Variants in BAHCC1 observed in about 807,000 individuals in gnomAD.
The protein encoded by BAHCC1 is BAH domain and coiled-coil containing 1.
BAHCC1 carries 43 observed loss-of-function variants against 88.2 expected under a neutral mutation model. That is an observed-to-expected ratio of 0.49 (90% CI 0.38 to 0.63). BAHCC1 has a LOEUF of 0.63. Among genes scored for constraint, BAHCC1 ranks in the 20% least tolerant of loss-of-function variants. The probability of loss-of-function intolerance (pLI) is 0.00; values close to 1 mark genes in which losing one functional copy is unlikely to be tolerated. For synonymous variants in BAHCC1, 1,510 were observed against 745.5 expected (o/e 2.03, Z -16.71); for missense variants, 3,023 against 1,654.8 (o/e 1.83, Z -14.34).
intron 2 of BAHCC1, among the ~76,000 whole-genome samples, chr17:81,425,330 G>C (rs2064170187): frequency 7.4e-6 from 1 of 135,394 alleles, no homozygotes; most frequent in African/African-American, 2.9e-5. Flanking sequence ...GGGGGTGATA[G>C]TGGTGGGTGA....
At chr17:81,416,040 G>A (rs1290500399) in intron 2 of BAHCC1, among the ~76,000 whole-genome samples, 2 of 150,012 alleles carry the variant, frequency 1.3e-5, no homozygotes, top group Non-Finnish European at 2.9e-5. Context: ...GGGTGTATGC[G>A]CATGTGTGCG....
chr17:81,418,237 G>A (rs184270938), intron 2 of BAHCC1, among the ~76,000 whole-genome samples: 11 of 152,346 alleles, frequency 7.2e-5, no homozygotes, highest in Non-Finnish European at 1.3e-4. Context: ...CAGTTTGCGG[G>A]CCCTGGAGAG....
At chr17:81,446,854 G>A in intron 10 of BAHCC1, 182 bp from the exon 11 acceptor site, 2 of 671,798 alleles carry the variant, frequency 3.0e-6, no homozygotes, top group Non-Finnish European at 5.5e-6. Context: ...CACCCAGCCA[G>A]GTTGCCCCCT....
At chr17:81,462,642 A>G (rs2030403748) in intron 26 of BAHCC1, 98 bp from the exon 27 acceptor site, 1 of 658,136 alleles carries the variant, frequency 1.5e-6, no homozygotes, top group Admixed American at 2.4e-5. Flanking sequence ...ACTCAGACTC[A>G]CACTCACACC....
At chr17:81,462,557 C>T (rs1295292775) in intron 26 of BAHCC1, 183 bp from the exon 27 acceptor site, 1 of 584,546 alleles carries the variant, frequency 1.7e-6, no homozygotes, top group African/African-American at 1.9e-5. Context: ...GGCCCCTGCT[C>T]CAGATCCATG....
At chr17:81,406,963 G>A (rs1392643468) in intron 2 of BAHCC1, 1 of 456,230 alleles carries the variant, frequency 2.2e-6, no homozygotes, top group Non-Finnish European at 4.4e-6. Flanking sequence ...CTGACCTGCT[G>A]TGGCGAGGAA....
rs2064306500 is a variant in BAHCC1, at chr17:81,434,256, T to G, written c.359-4114T>G. Among the ~76,000 whole-genome samples, 1 of 152,060 alleles carries G rather than the reference T, an allele frequency of 6.6e-6. No individual in the cohort carries two copies. Among genetic ancestry groups the G allele is most frequent in the Non-Finnish European group, 1.5e-5 (1 of 67,976 alleles). ...CCCAGGCTGGCTGCCCACGTGCACA[T>G]TCCAGGCTCGGGGCCACGCCCAGCT... On this transcript the variant is annotated intron_variant, in intron 3 of 27. Coordinates refer to ENST00000675386, the MANE Select transcript of BAHCC1 (RefSeq NM_001377448.1). This position sits in a 1 kb window ranked among gnomAD's most constrained non-coding sequence, Gnocchi z 4.9.
chr17:81,459,058 C>T lies in BAHCC1; in HGVS notation c.5610C>T (p.Arg1870=). The T allele has an allele frequency of 1.3e-6, 1 of 760,032 alleles. No individual in the cohort carries two copies. The highest frequency in any genetic ancestry group is 1.7e-5 in the African/African-American group (1 of 58,812). 47.1% of individuals were successfully genotyped at this position (760,032 alleles called of 1,614,324 possible). A position where few individuals can be genotyped will look rare whatever the true frequency, so the allele number is the denominator to read the frequency against. ...LSAEQSAALA[R]SCAIHKEDLR... ...GCTGACACCTTGTGCCCACAGCGCG[C>T]TCGTGTGCCATCCACAAGGAGGACC... is the stretch of plus-strand genomic sequence containing the variant. The change falls in exon 21 of 28, where the codon CGC becomes CGT. Residue 1870 remains arginine, a synonymous_variant. Transcript: ENST00000675386.
intron 2 of BAHCC1, among the ~76,000 whole-genome samples, chr17:81,409,214 G>T (rs2063917598): frequency 6.6e-6 from 1 of 152,230 alleles, no homozygotes; most frequent in Admixed American, 6.5e-5. Context: ...CCTTCGTGTA[G>T]CATCTTCAGT....
intron 4 of BAHCC1, among the ~76,000 whole-genome samples, chr17:81,439,915 C>G (rs2064387817): frequency 6.6e-6 from 1 of 152,298 alleles, no homozygotes; most frequent in East Asian, 1.9e-4. Flanking sequence ...CTTCTCCCCA[C>G]CTCATACTCA....
At chr17:81,403,226 T>C (rs2063838372) in intron 2 of BAHCC1, among the ~76,000 whole-genome samples, 1 of 152,154 alleles carries the variant, frequency 6.6e-6, no homozygotes, top group Admixed American at 6.5e-5. Flanking sequence ...CCCGCTCCTG[T>C]CCTGGTCTGT....
At chr17:81,403,219 G>C (rs564270085) in intron 2 of BAHCC1, among the ~76,000 whole-genome samples, 2 of 152,298 alleles carry the variant, frequency 1.3e-5, no homozygotes, top group East Asian at 3.9e-4. Flanking sequence ...GGCTGGGCCC[G>C]CTCCTGTCCT....
At chr17:81,432,322 C>T (rs1387100271) in intron 3 of BAHCC1, among the ~76,000 whole-genome samples, 2 of 152,056 alleles carry the variant, frequency 1.3e-5, no homozygotes, top group East Asian at 1.9e-4. Flanking sequence ...CCTGTGGCCC[C>T]GGTACAATGA....
chr17:81,405,698 G>GC (rs1207211455), intron 2 of BAHCC1, among the ~76,000 whole-genome samples: 1 of 152,164 alleles, frequency 6.6e-6, no homozygotes, highest in Non-Finnish European at 1.5e-5. Flanking sequence ...GCTCCATCGT[G>GC]CCCCCCTGCC....
At chr17:81,428,909 A>G (rs1598475065) in intron 3 of BAHCC1, among the ~76,000 whole-genome samples, 1 of 152,154 alleles carries the variant, frequency 6.6e-6, no homozygotes, top group African/African-American at 2.4e-5. Flanking sequence ...TCCTGCCACA[A>G]GTGTCGACGT....
In BAHCC1 at chr17:81,399,641, G is replaced by A. The variant is rs1171517941; in HGVS notation, c.-99G>A. On this transcript the variant is annotated 5_prime_UTR_variant, in exon 2 of 28. Coordinates refer to ENST00000675386, the MANE Select transcript of BAHCC1 (RefSeq NM_001377448.1). This position sits in a 1 kb window ranked among gnomAD's most constrained non-coding sequence, Gnocchi z 4.5. ...CGCCGCCACCACCGCCTGTGACCCC[G>A]GACGCCGCCGCCTCTGCGCCGCCCG... is the stretch of plus-strand genomic sequence containing the variant. 6.1e-6 allele frequency: 5 copies of A among 824,230 alleles called. No homozygotes were observed. The East Asian group carries it at 5.8e-4, about 96-fold the overall frequency. The allele number at this position is 824,230 out of a possible 1,614,324, so 51.1% of individuals were successfully genotyped here. A position where few individuals can be genotyped will look rare whatever the true frequency, so the allele number is the denominator to read the frequency against.
At chr17:81,448,474 T>G (rs1483813137) in intron 11 of BAHCC1, among the ~76,000 whole-genome samples, 2 of 152,114 alleles carry the variant, frequency 1.3e-5, no homozygotes, top group African/African-American at 4.8e-5. Flanking sequence ...GTCCGGGCAC[T>G]CCCTGCGGTC....
intron 3 of BAHCC1, among the ~76,000 whole-genome samples, chr17:81,432,180 C>A (rs1185306397): frequency 6.6e-6 from 1 of 152,178 alleles, no homozygotes; most frequent in Non-Finnish European, 1.5e-5. Context: ...CTGCTGGGGC[C>A]AGTGGCCTTG....
rs35231579 is a variant in BAHCC1, at chr17:81,398,606, A to AC, written c.-206-920dup. Among the ~76,000 whole-genome samples the AC allele has an allele frequency of 1.3e-3, 204 of 151,774 alleles. 1 individual carries two copies. Among genetic ancestry groups the AC allele is most frequent in the East Asian group, 2.5e-3 (13 of 5,110 alleles). On this transcript the variant is annotated intron_variant, in intron 1 of 27. Transcript: ENST00000675386. Reference sequence around the variant, plus strand: ...GAGAGAGCATTCTGACTCTGAAAGCACCCCCCCCACACACACCCCCAAGCC... The same window carrying AC: ...GAGAGAGCATTCTGACTCTGAAAGCACCCCCCCCCACACACACCCCCAAGCC...
Sources: allele counts gnomAD v4.1 joint callset (sites outside exome capture counted in the v4.1 genomes callset), GRCh38; gene constraint gnomAD v4.1.1; non-coding constraint Gnocchi (gnomAD v3.1); transcripts MANE v1.5; gene names NCBI Gene and HGNC (gene_info 2026-07-23, HGNC 2026-07-21).